FKBP11: variants seen among roughly 807,000 people sequenced by gnomAD.
FKBP11 encodes FKBP prolyl isomerase 11, also known as peptidyl-prolyl cis-trans isomerase FKBP11.
Under a neutral mutation model 24.7 loss-of-function variants are expected in FKBP11, and 21 were observed. The ratio of observed to expected loss-of-function variants is 0.85; its 90% CI spans 0.60 to 1.23. The LOEUF (loss-of-function observed/expected upper bound fraction) is 1.23. FKBP11 is among the 50% of genes most tolerant of loss of function. The pLI is 0.00. For missense variants in FKBP11, 245 were observed against 248.7 expected, an observed-to-expected ratio of 0.99 and a Z score of 0.10; for synonymous variants, 106 against 100.6, an observed-to-expected ratio of 1.05 and a Z score of -0.32.
upstream of FKBP11, chr12:48,926,478 GTC>G (rs1156585336): frequency 6.7e-6 from 1 of 148,582 alleles, no homozygotes; most frequent in East Asian, 2.0e-4. Context: ...GCCTGCCTCG[GTC>G]TCTCAAAGTG....
chr12:48,922,370 G>C, intron 5 of FKBP11, 169 bp from the exon 6 acceptor site: 1 of 725,036 alleles, frequency 1.4e-6, no homozygotes, highest in Non-Finnish European at 2.1e-6. Flanking sequence ...GAGGATTTAC[G>C]AGCAGAGTCC....
chr12:48,933,995 A>G, the FKBP11 span, among the ~76,000 whole-genome samples: 1 of 152,212 alleles, frequency 6.6e-6, no homozygotes, highest in East Asian at 1.9e-4. Context: ...ATGTCCCAAA[A>G]GGATTCCACA....
chr12:48,934,647 A>G, the FKBP11 span, among the ~76,000 whole-genome samples: 1 of 152,174 alleles, frequency 6.6e-6, no homozygotes, highest in Non-Finnish European at 1.5e-5. Flanking sequence ...GTGGCCCACC[A>G]TTCAGCTAAA....
At chr12:48,936,964 A>G in the FKBP11 span, 1 of 152,012 alleles carries the variant, frequency 6.6e-6, no homozygotes, top group Non-Finnish European at 1.5e-5. Context: ...AAATGAATAC[A>G]TTTTTAAATG....
chr12:48,931,993 G>A, the FKBP11 span, among the ~76,000 whole-genome samples: 4 of 150,736 alleles, frequency 2.7e-5, no homozygotes, highest in South Asian at 8.4e-4. Flanking sequence ...ACAGGCACGT[G>A]CCACCATGCC....
Position 48,925,349 on chromosome 12 carries a change from G to T in FKBP11, c.80C>A (p.Ala27Asp). ...GACGGGACTTTCGGTTTCGAGCCCA[G>T]CCTCAGCCCGGCACACCGCCGCACT... ...LLSAAVCRAEAGLETESPVRT... is the reference protein window; with the variant it reads ...LLSAAVCRAEDGLETESPVRT... Residue 27 changes from alanine to aspartate, a missense_variant, in exon 1 of 6, where the codon GCT becomes GAT. By Grantham distance (126) the Ala-to-Asp change is moderately radical. Transcript: ENST00000550765. 6.2e-7 allele frequency: 1 copy of T among 1,608,524 alleles called. No homozygotes were observed.
chr12:48,929,941 G>A (rs1275424558), upstream of FKBP11, among the ~76,000 whole-genome samples: 2 of 152,086 alleles, frequency 1.3e-5, no homozygotes, highest in Admixed American at 6.5e-5. Flanking sequence ...AGGATCTCCA[G>A]GCATACACTT....
intron 2 of FKBP11, 97 bp from the exon 3 acceptor site, chr12:48,924,745 T>G: frequency 6.4e-7 from 1 of 1,557,690 alleles, no homozygotes; most frequent in African/African-American, 1.4e-5. Context: ...GGCAGCCCCC[T>G]TAGTGCGGCA....
At chr12:48,935,556 G>A in the FKBP11 span, among the ~76,000 whole-genome samples, 1 of 152,180 alleles carries the variant, frequency 6.6e-6, no homozygotes, top group Non-Finnish European at 1.5e-5. Context: ...ATAGTGGTGG[G>A]AGTGCGATGG....
the FKBP11 span, chr12:48,938,509 C>A: frequency 2.2e-6 from 1 of 451,694 alleles, no homozygotes; most frequent in Non-Finnish European, 4.5e-6. Flanking sequence ...CAGAGAGGCC[C>A]GTGCAATTTC....
intron 5 of FKBP11, chr12:48,923,319 G>C: frequency 7.0e-7 from 1 of 1,420,440 alleles, no homozygotes; most frequent in South Asian, 1.6e-5. Context: ...TTAAAGTTAT[G>C]GGGCAGACTT....
At chr12:48,924,678 T>C in intron 2 of FKBP11, 30 bp from the exon 3 acceptor site, 1 of 1,603,606 alleles carries the variant, frequency 6.2e-7, no homozygotes, top group South Asian at 1.1e-5. Context: ...AGAGCATACA[T>C]CTAGCACCCT....
chr12:48,924,975 G>T, intron 2 of FKBP11, 71 bp downstream of exon 2: 1 of 1,542,070 alleles, frequency 6.5e-7, no homozygotes, highest in Non-Finnish European at 8.7e-7. Context: ...ACGTGTCCAA[G>T]CCAAAGCTGA....
At chr12:48,922,400 C>T in intron 5 of FKBP11, 199 bp from the exon 6 acceptor site, 10 of 678,150 alleles carry the variant, frequency 1.5e-5, no homozygotes, top group Admixed American at 3.5e-5. Flanking sequence ...CATGTTGACC[C>T]CAACTACACA....
chr12:48,930,100 C>T (rs115061447), upstream of FKBP11, among the ~76,000 whole-genome samples: 157 of 152,276 alleles, frequency 1.0e-3, no homozygotes, highest in African/African-American at 3.6e-3. Flanking sequence ...ACGATAGCCT[C>T]CAAATAATAG....
intron 5 of FKBP11, chr12:48,923,469 AG>A: frequency 6.5e-7 from 1 of 1,549,326 alleles, no homozygotes; most frequent in Non-Finnish European, 8.7e-7. Flanking sequence ...AGAAAAGGGC[AG>A]GAAAGAAGTC....
intron 1 of FKBP11, 80 bp downstream of exon 1, chr12:48,925,220 C>T: frequency 6.3e-7 from 1 of 1,587,968 alleles, no homozygotes. Flanking sequence ...CCTCCCGGCT[C>T]CCAGGTTCGC....
At chr12:48,928,160 T>G (rs1383921712), upstream of FKBP11, among the ~76,000 whole-genome samples, 1 of 142,378 alleles carries the variant, frequency 7.0e-6, no homozygotes, top group Non-Finnish European at 1.5e-5. Flanking sequence ...TTTTCCTGCC[T>G]CAGCCTCCCA....
the FKBP11 span, among the ~76,000 whole-genome samples, chr12:48,932,257 ATATATTTTTTTTTTTTTT>A: frequency 6.1e-4 from 23 of 37,516 alleles, no homozygotes; most frequent in East Asian, 7.9e-3. Flanking sequence ...ATATATATAT[ATATATTTTTTTTTTTTTT>A]TTTTTTTTTT....
Sources: allele counts gnomAD v4.1 joint callset (sites outside exome capture counted in the v4.1 genomes callset), GRCh38; gene constraint gnomAD v4.1.1; transcripts MANE v1.5; gene names NCBI Gene and HGNC (gene_info 2026-07-23, HGNC 2026-07-21).